The following HMBOX1 variants were observed in gnomAD, a reference collection of about 807,000 sequenced individuals.
The protein encoded by HMBOX1 is homeobox-containing protein 1.
A neutral mutation model predicts 54.5 loss-of-function variants in HMBOX1; 14 were observed. That is an observed-to-expected ratio of 0.26 (90% CI 0.17 to 0.40). HMBOX1 has a LOEUF of 0.40. Ranked by LOEUF, HMBOX1 falls within the 10% of genes least tolerant of loss-of-function variation. The pLI is 1.00. For synonymous variants in HMBOX1, 160 were observed against 181.0 expected (o/e 0.88, Z 0.93); for missense variants, 332 against 514.4 (o/e 0.65, Z 3.43).
chr8:29,036,798 A>T (rs914250997), intron 6 of HMBOX1, among the ~76,000 whole-genome samples: 1 of 152,232 alleles, frequency 6.6e-6, no homozygotes, highest in Non-Finnish European at 1.5e-5. Flanking sequence ...CTGAGTTATA[A>T]GTCATGTGAC....
chr8:28,994,521 A>C (rs531337431), intron 4 of HMBOX1, among the ~76,000 whole-genome samples: 1 of 152,210 alleles, frequency 6.6e-6, no homozygotes, highest in South Asian at 2.1e-4. Flanking sequence ...AAGATTCTAC[A>C]CTACTGTTAA....
At chr8:29,019,724 C>G (rs962955589) in intron 6 of HMBOX1, among the ~76,000 whole-genome samples, 3 of 152,184 alleles carry the variant, frequency 2.0e-5, no homozygotes, top group African/African-American at 7.2e-5. Context: ...AGGTCACAAA[C>G]TCTCAGCTGT....
At chr8:28,943,658 G>A (rs1448340883) in intron 1 of HMBOX1, among the ~76,000 whole-genome samples, 1 of 152,124 alleles carries the variant, frequency 6.6e-6, no homozygotes, top group Non-Finnish European at 1.5e-5. Flanking sequence ...GGCATGCTCT[G>A]AACCCTGTTA....
At chr8:28,922,961 A>G (rs1817800338) in intron 1 of HMBOX1, among the ~76,000 whole-genome samples, 1 of 152,204 alleles carries the variant, frequency 6.6e-6, no homozygotes. Flanking sequence ...GATGGGCATT[A>G]TCCCTTTTTT....
At chr8:28,980,014 A>C (rs1054265502) in intron 3 of HMBOX1, 57 bp from the exon 4 acceptor site, 1 of 1,292,964 alleles carries the variant, frequency 7.7e-7, no homozygotes, top group African/African-American at 1.5e-5. Context: ...CTTTTAGCAA[A>C]GATGAGGATT....
intron 4 of HMBOX1, among the ~76,000 whole-genome samples, chr8:28,983,002 G>C (rs1354457785): frequency 6.6e-6 from 1 of 151,902 alleles, no homozygotes; most frequent in Non-Finnish European, 1.5e-5. Context: ...ACAGGTGTGA[G>C]CCACCGCACC....
intron 1 of HMBOX1, among the ~76,000 whole-genome samples, chr8:28,937,077 C>T (rs1182363150): frequency 6.6e-6 from 1 of 152,068 alleles, no homozygotes; most frequent in Non-Finnish European, 1.5e-5. Context: ...ACCACCTTTC[C>T]AGTCAGCCAG....
intron 4 of HMBOX1, among the ~76,000 whole-genome samples, chr8:28,995,658 A>G (rs997616387): frequency 3.3e-5 from 5 of 152,188 alleles, no homozygotes; most frequent in Admixed American, 6.5e-5. Flanking sequence ...TATGATAGCT[A>G]TCCTAATGGA....
At position 29,051,820 on chromosome 8, in the gene HMBOX1, T is replaced by C. The variant is rs1198147956; in HGVS notation, c.*665T>C. On this transcript the variant is annotated 3_prime_UTR_variant, in exon 10 of 10. Transcript: ENST00000287701. ...ACAGACATCCTTTCCTCTCACAAGCTGTGTGACTTAGTAGATAAAATACTG... is the reference window on the plus strand; with the variant it reads ...ACAGACATCCTTTCCTCTCACAAGCCGTGTGACTTAGTAGATAAAATACTG... 2.1e-6 allele frequency: 1 copy of C among 470,450 alleles called. No individual in the cohort carries two copies. The highest frequency in any genetic ancestry group is 3.9e-6 in the Non-Finnish European group (1 of 258,052). 29.1% of individuals were successfully genotyped at this position (470,450 alleles called of 1,614,324 possible). A position where few individuals can be genotyped will look rare whatever the true frequency, so the allele number is the denominator to read the frequency against.
chr8:28,894,039 C>T (rs1248385854), intron 1 of HMBOX1, among the ~76,000 whole-genome samples: 8 of 152,028 alleles, frequency 5.3e-5, no homozygotes, highest in East Asian at 1.9e-4. Context: ...ATAGATAAAC[C>T]GAATAGTGCT....
intron 1 of HMBOX1, among the ~76,000 whole-genome samples, chr8:28,933,896 G>A (rs966773974): frequency 2.6e-5 from 4 of 152,042 alleles, no homozygotes; most frequent in Admixed American, 6.6e-5. Context: ...AAATATTTAA[G>A]GAAGAAATAA....
intron 3 of HMBOX1, among the ~76,000 whole-genome samples, chr8:28,973,822 T>TTGTTTTTTG (rs1563502057): frequency 1.5e-5 from 2 of 133,584 alleles, no homozygotes; most frequent in African/African-American, 6.0e-5. Context: ...TTTTTTTTTT[T>TTGTTTTTTG]TTTTTTTTTT....
intron 1 of HMBOX1, among the ~76,000 whole-genome samples, chr8:28,949,222 C>T (rs1822987819): frequency 6.6e-6 from 1 of 152,104 alleles, no homozygotes; most frequent in East Asian, 1.9e-4. Context: ...CTGTTGGAGT[C>T]AACTCTGGAG....
rs968264381 is a variant in HMBOX1, at chr8:28,963,846, A to G, written c.-22A>G. 3 of 1,592,534 alleles carry G rather than the reference A, an allele frequency of 1.9e-6. No homozygotes were observed. Among genetic ancestry groups the G allele is most frequent in the African/African-American group, 1.3e-5 (1 of 74,706 alleles). Reference sequence around the variant, plus strand: ...AACGCAGATCATCTCTGGAAAGGATATTGATCCGCCTCATGTAAAGTATGC... The same window carrying G: ...AACGCAGATCATCTCTGGAAAGGATGTTGATCCGCCTCATGTAAAGTATGC... On this transcript the variant is annotated 5_prime_UTR_variant, in exon 2 of 10. The change creates a new upstream start codon in the 5' untranslated region. Transcript: ENST00000287701.
Position 28,987,428 on chromosome 8 carries a change from A to G in HMBOX1, c.586+7272A>G, listed in dbSNP as rs541765145. On this transcript the variant is annotated intron_variant, in intron 4 of 9. Coordinates refer to ENST00000287701, the MANE Select transcript of HMBOX1 (RefSeq NM_001135726.3). ...AGAGGAAGTGATACCCCAGTAAGAA[A>G]GTCACAAGGTATCTGTGTGTGATAA... Among the ~76,000 whole-genome samples the G allele has an allele frequency of 1.1e-4, 16 of 152,322 alleles. 1 individual carries two copies. The South Asian group carries it at 3.3e-3, about 32-fold the overall frequency.
upstream of HMBOX1, chr8:28,890,172 T>G: frequency 5.5e-5 from 24 of 434,192 alleles, no homozygotes; most frequent in East Asian, 1.4e-4. Context: ...CATGATATCA[T>G]GTCTTCCTTA....
At chr8:28,916,241 A>G (rs1018525596) in intron 1 of HMBOX1, among the ~76,000 whole-genome samples, 1 of 152,158 alleles carries the variant, frequency 6.6e-6, no homozygotes, top group Non-Finnish European at 1.5e-5. Context: ...CCCTCAGCAG[A>G]TGTCACCATG....
intron 1 of HMBOX1, among the ~76,000 whole-genome samples, chr8:28,943,921 T>G (rs1821924303): frequency 6.6e-6 from 1 of 152,178 alleles, no homozygotes; most frequent in Non-Finnish European, 1.5e-5. Context: ...CTCCCAACTT[T>G]TAAATACTGT....
chr8:28,922,954 G>T (rs1159615424), intron 1 of HMBOX1, among the ~76,000 whole-genome samples: 1 of 152,062 alleles, frequency 6.6e-6, no homozygotes, highest in East Asian at 1.9e-4. Context: ...ACAGGTAGAT[G>T]GGCATTATCC....
Sources: allele counts gnomAD v4.1 joint callset (sites outside exome capture counted in the v4.1 genomes callset), GRCh38; gene constraint gnomAD v4.1.1; transcripts MANE v1.5; gene names NCBI Gene and HGNC (gene_info 2026-07-23, HGNC 2026-07-21).